SLC22A23: variants seen among roughly 807,000 people sequenced by gnomAD.
The protein encoded by SLC22A23 is ion transporter protein.
In SLC22A23, 26 loss-of-function variants were observed where a neutral mutation model predicts 61.0. The observed-to-expected ratio is 0.43, with a 90% CI of 0.31 to 0.59. SLC22A23 has a LOEUF of 0.59. SLC22A23 is among the 20% of genes least tolerant of loss of function. The pLI is 0.11. For synonymous variants in SLC22A23, 430 were observed against 413.9 expected (o/e 1.04, Z -0.47); for missense variants, 796 against 934.7 (o/e 0.85, Z 1.94).
At chr6:3,336,316 CT>C (rs772152852) in intron 3 of SLC22A23, among the ~76,000 whole-genome samples, 3 of 152,216 alleles carry the variant, frequency 2.0e-5, no homozygotes, top group Non-Finnish European at 2.9e-5. Context: ...CTCACCTGGA[CT>C]GCCATAGTCG....
intron 1 of SLC22A23, among the ~76,000 whole-genome samples, chr6:3,425,692 T>C (rs1191233775): frequency 6.6e-6 from 1 of 152,218 alleles, no homozygotes; most frequent in Non-Finnish European, 1.5e-5. Flanking sequence ...CTAGGGACTC[T>C]GCCAGCTGCT....
intron 3 of SLC22A23, among the ~76,000 whole-genome samples, chr6:3,356,866 A>T (rs2127442251): frequency 6.6e-6 from 1 of 152,184 alleles, no homozygotes; most frequent in African/African-American, 2.4e-5. Flanking sequence ...CATTTCCAAG[A>T]TGGGAAATGG....
intron 6 of SLC22A23, among the ~76,000 whole-genome samples, chr6:3,287,372 TG>T (rs1760119081): frequency 1.3e-5 from 2 of 152,354 alleles, no homozygotes; most frequent in South Asian, 4.1e-4. Context: ...TGAGTCCTTT[TG>T]TTAAAACACA....
chr6:3,451,169 C>T (rs1308869631), intron 1 of SLC22A23, among the ~76,000 whole-genome samples: 1 of 152,212 alleles, frequency 6.6e-6, no homozygotes, highest in South Asian at 2.1e-4. Flanking sequence ...CCAACAGATT[C>T]AGTCAGAACA....
At chr6:3,284,701 G>A (rs1161472794) in intron 8 of SLC22A23, among the ~76,000 whole-genome samples, 3 of 152,200 alleles carry the variant, frequency 2.0e-5, no homozygotes, top group Non-Finnish European at 4.4e-5. Context: ...GGGGGACAGC[G>A]GCTTCCCCTG....
chr6:3,453,244 A>AT (rs1183554171), intron 1 of SLC22A23, among the ~76,000 whole-genome samples: 4 of 152,206 alleles, frequency 2.6e-5, no homozygotes, highest in African/African-American at 9.6e-5. Context: ...TTAAGAAATA[A>AT]TTTTTTAAAA....
rs138923911 is a variant in SLC22A23 at position 3,421,397 on chromosome 6, G to A, written c.655-5542C>T. ...TTTTCACTGTTTGTAACTTATCAGA[G>A]CAAAAGTTGAGAACCTGACTCAATG... On this transcript the variant is annotated intron_variant, in intron 1 of 9. Transcript: ENST00000406686. 1.6e-3 allele frequency among the ~76,000 whole-genome samples: 250 copies of A among 152,246 alleles called. 1 individual carries two copies. The highest frequency in any genetic ancestry group is 3.1e-3 in the Admixed American group (47 of 15,290).
At chr6:3,281,763 G>A (rs750017508) in intron 9 of SLC22A23, among the ~76,000 whole-genome samples, 3 of 152,056 alleles carry the variant, frequency 2.0e-5, no homozygotes, top group Non-Finnish European at 4.4e-5. Context: ...GGTGAAAAGG[G>A]CTCCCAGCGA....
chr6:3,437,713 T>A (rs1482296338), intron 1 of SLC22A23, among the ~76,000 whole-genome samples: 3 of 148,548 alleles, frequency 2.0e-5, no homozygotes, highest in East Asian at 4.0e-4. Context: ...TAAATAATAA[T>A]AATTTTAAAA....
In SLC22A23 at chr6:3,286,100, ATTT is replaced by A. The variant is rs34898819; in HGVS notation, c.1546+756_1546+758del. Among the ~76,000 whole-genome samples, 3,590 of 142,022 alleles carry A rather than the reference ATTT, an allele frequency of 0.025. 176 individuals carry two copies. Among genetic ancestry groups the A allele is most frequent in the African/African-American group, 0.088 (3,410 of 38,952 alleles). 93.2% of individuals were successfully genotyped at this position (142,022 alleles called of 152,430 possible). A position where few individuals can be genotyped will look rare whatever the true frequency, so the allele number is the denominator to read the frequency against. ...GATGGACTCTCTAGCTTTGCCTTAG[ATTT>A]TTTTTTTTTTTTTGAGATGGAGTCT... On this transcript the variant is annotated intron_variant, in intron 7 of 9. Transcript: ENST00000406686. This position sits in a 1 kb window ranked among gnomAD's most constrained non-coding sequence, Gnocchi z 4.2.
chr6:3,309,719 G>A lies in SLC22A23; in HGVS notation c.1083-11501C>T, dbSNP rs1018668601. ...ACATGCTTCTGAAGGGTTACACCACGGTCACACAGAAGTACCTGCTGCCAC... is the reference window on the plus strand; with the variant it reads ...ACATGCTTCTGAAGGGTTACACCACAGTCACACAGAAGTACCTGCTGCCAC... On this transcript the variant is annotated intron_variant, in intron 4 of 9. Transcript: ENST00000406686. This position sits in a 1 kb window ranked among gnomAD's most constrained non-coding sequence, Gnocchi z 4.7. 1.3e-5 allele frequency among the ~76,000 whole-genome samples: 2 copies of A among 152,214 alleles called. No homozygotes were observed. The highest frequency in any genetic ancestry group is 2.9e-5 in the Non-Finnish European group (2 of 68,038).
chr6:3,296,975 C>T lies in SLC22A23; in HGVS notation c.1210+1116G>A, dbSNP rs567456150. Among the ~76,000 whole-genome samples the T allele has an allele frequency of 2.9e-3, 437 of 152,344 alleles. 5 individuals carry two copies. Among genetic ancestry groups the T allele is most frequent in the African/African-American group, 9.6e-3 (398 of 41,582 alleles). On this transcript the variant is annotated intron_variant, in intron 5 of 9. Coordinates refer to ENST00000406686, the MANE Select transcript of SLC22A23 (RefSeq NM_015482.2). ...GGCACATTCTCCCACCTCACTCAGG[C>T]CCCTGCACCTGTGCCCCTGGAGCAA... is the stretch of plus-strand genomic sequence containing the variant.
Position 3,270,003 on chromosome 6 carries a change from C to T in SLC22A23, c.*3052G>A, listed in dbSNP as rs558749820. ...ACTCTCAGTAAACAAAAACATGTAACCTTTTTCCTGTTTCTCTTGGGTGGT... is the reference window on the plus strand; with the variant it reads ...ACTCTCAGTAAACAAAAACATGTAATCTTTTTCCTGTTTCTCTTGGGTGGT... On this transcript the variant is annotated 3_prime_UTR_variant, in exon 10 of 10. Transcript: ENST00000406686. 1 of 152,712 alleles carries T rather than the reference C, an allele frequency of 6.5e-6. No homozygotes were observed. Among genetic ancestry groups the T allele is most frequent in the Non-Finnish European group, 1.5e-5 (1 of 68,050 alleles). The allele number at this position is 152,712 out of a possible 1,614,324, so 9.5% of individuals were successfully genotyped here.
intron 3 of SLC22A23, among the ~76,000 whole-genome samples, chr6:3,405,076 T>C (rs1408871799): frequency 6.6e-6 from 1 of 151,794 alleles, no homozygotes; most frequent in African/African-American, 2.4e-5. Context: ...CTGGCCAACA[T>C]AGTGAAACCC....
chr6:3,455,380 T>C (rs139061606), intron 1 of SLC22A23, among the ~76,000 whole-genome samples: 1 of 152,374 alleles, frequency 6.6e-6, no homozygotes, highest in East Asian at 1.9e-4. Flanking sequence ...TAGCAAAGCC[T>C]AAAGTCAGAT....
intron 4 of SLC22A23, among the ~76,000 whole-genome samples, chr6:3,300,969 A>AT (rs1761559502): frequency 7.1e-6 from 1 of 140,214 alleles, no homozygotes; most frequent in Non-Finnish European, 1.5e-5. Context: ...TGGAAGTCCC[A>AT]AATACATTTG....
intron 3 of SLC22A23, among the ~76,000 whole-genome samples, chr6:3,379,668 C>G (rs145201289): frequency 5.9e-5 from 9 of 152,052 alleles, no homozygotes; most frequent in African/African-American, 2.2e-4. Context: ...ATTCTCCCAC[C>G]AAGACTACCC....
intron 3 of SLC22A23, among the ~76,000 whole-genome samples, chr6:3,354,157 G>A (rs1049180113): frequency 4.6e-5 from 7 of 152,208 alleles, no homozygotes; most frequent in African/African-American, 1.7e-4. Context: ...AGAGCCACAT[G>A]CAACTTCTAA....
In SLC22A23 at chr6:3,387,764, C is replaced by T. The variant is rs904109215; in HGVS notation, c.913+22424G>A. 2.0e-5 allele frequency among the ~76,000 whole-genome samples: 3 copies of T among 152,134 alleles called. No individual in the cohort carries two copies. The highest frequency in any genetic ancestry group is 7.2e-5 in the African/African-American group (3 of 41,406). On this transcript the variant is annotated intron_variant, in intron 3 of 9. Coordinates refer to ENST00000406686, the MANE Select transcript of SLC22A23 (RefSeq NM_015482.2). This position sits in a 1 kb window ranked among gnomAD's most constrained non-coding sequence, Gnocchi z 5.0. Reference sequence around the variant, plus strand: ...TAAAATGTTTTTAAAATATGGTGAACAAGTAAGTATATGTATATTTCATTC... The same window carrying T: ...TAAAATGTTTTTAAAATATGGTGAATAAGTAAGTATATGTATATTTCATTC...
Sources: allele counts gnomAD v4.1 joint callset (sites outside exome capture counted in the v4.1 genomes callset), GRCh38; gene constraint gnomAD v4.1.1; non-coding constraint Gnocchi (gnomAD v3.1); transcripts MANE v1.5; gene names NCBI Gene and HGNC (gene_info 2026-07-23, HGNC 2026-07-21).